Variants in MAST2 observed in about 807,000 individuals in gnomAD.
MAST2 encodes microtubule-associated serine/threonine-protein kinase 2.
MAST2 carries 70 observed loss-of-function variants against 147.4 expected under a neutral mutation model. That is an observed-to-expected ratio of 0.47 (90% CI 0.39 to 0.58). The LOEUF is 0.58. Among genes scored for constraint, MAST2 ranks in the 20% least tolerant of loss-of-function variants. The pLI is 0.00. For missense variants in MAST2, 2,080 were observed against 2,302.3 expected (o/e 0.90, Z 1.98); for synonymous variants, 869 against 896.8 (o/e 0.97, Z 0.55).
rs745825402 is a variant in MAST2, at chr1:45,899,489, C to G, written c.500+17094C>G. On this transcript the variant is annotated intron_variant, in intron 4 of 28. Transcript: ENST00000361297. The stretch of plus-strand genomic sequence containing the variant: ...TCTCCCCTTTTGGAGTCCCCAGTGT[C>G]TATTGTTTCCATCTTTATGACCACA... Among the ~76,000 whole-genome samples, 42 of 152,000 alleles carry G rather than the reference C, an allele frequency of 2.8e-4. 1 individual carries two copies. In the Middle Eastern group the frequency reaches 0.034, roughly 123 times the overall value.
intron 4 of MAST2, among the ~76,000 whole-genome samples, chr1:45,958,876 G>A (rs191988076): frequency 2.0e-5 from 3 of 152,280 alleles, no homozygotes; most frequent in East Asian, 1.9e-4. Flanking sequence ...GTAGTGGAAA[G>A]CCCGTTTATA....
At chr1:45,916,198 C>T (rs1176442714) in intron 4 of MAST2, among the ~76,000 whole-genome samples, 1 of 152,112 alleles carries the variant, frequency 6.6e-6, no homozygotes. Context: ...TAGAATGTCA[C>T]TGTATCCATA....
chr1:46,013,624 G>C (rs919686058), intron 10 of MAST2, among the ~76,000 whole-genome samples: 3 of 151,494 alleles, frequency 2.0e-5, no homozygotes, highest in Admixed American at 6.6e-5. Context: ...AGGTTGCGGT[G>C]AGCCAAGATC....
intron 8 of MAST2, among the ~76,000 whole-genome samples, chr1:46,007,592 C>T (rs1645539117): frequency 6.6e-6 from 1 of 152,142 alleles, no homozygotes; most frequent in African/African-American, 2.4e-5. Context: ...CAGTTGTGAA[C>T]CTAGAACATC....
At chr1:45,961,966 C>T (rs1355286540) in intron 5 of MAST2, among the ~76,000 whole-genome samples, 1 of 151,792 alleles carries the variant, frequency 6.6e-6, no homozygotes. Flanking sequence ...GTTCCCCTTC[C>T]TGTGTCCAGT....
rs146487000 is a variant in MAST2, at chr1:45,929,115, T to C, written c.501-30271T>C. ...TTTGTTAGTAGTGGCCATTGATAAT[T>C]ATCACCTAGATTCATTATTTTCTTA... On this transcript the variant is annotated intron_variant, in intron 4 of 28. Transcript: ENST00000361297. Among the ~76,000 whole-genome samples the C allele has an allele frequency of 2.5e-3, 374 of 152,264 alleles. 4 individuals are homozygous for C. The highest frequency in any genetic ancestry group is 0.021 in the Admixed American group (314 of 15,292).
rs375529663 is a variant in MAST2 at position 46,033,949 on chromosome 1, C to A, written c.3674+11C>A. On this transcript the variant is annotated intron_variant, in intron 27 of 28. Transcript: ENST00000361297. The stretch of plus-strand genomic sequence containing the variant: ...GGATGGGCAAGAAAGGTGAGCCAGG[C>A]GCAGTGAAGAGGGTTTTCTCTGAGC... 1 of 1,613,762 alleles carries A rather than the reference C, an allele frequency of 6.2e-7. No individual in the cohort carries two copies. The highest frequency in any genetic ancestry group is 8.5e-7 in the Non-Finnish European group (1 of 1,179,736).
At chr1:46,008,162 A>G in intron 8 of MAST2, 134 bp from the exon 9 acceptor site, 1 of 643,968 alleles carries the variant, frequency 1.6e-6, no homozygotes, top group Non-Finnish European at 2.8e-6. Context: ...AAGGCTCTAG[A>G]ACTCAGTACC....
At chr1:45,977,227 C>T (rs1057217342) in intron 5 of MAST2, among the ~76,000 whole-genome samples, 3 of 152,250 alleles carry the variant, frequency 2.0e-5, no homozygotes, top group Non-Finnish European at 4.4e-5. Flanking sequence ...GTGGCTCATG[C>T]CTGTATTCCC....
At chr1:45,913,935 G>A (rs1652068910) in intron 4 of MAST2, 13 of 1,121,998 alleles carry the variant, frequency 1.2e-5, no homozygotes, top group South Asian at 1.7e-5. Context: ...AAAAACTAAT[G>A]CCAACTAACA....
chr1:45,939,731 G>T (rs557537671), intron 4 of MAST2, among the ~76,000 whole-genome samples: 1 of 152,072 alleles, frequency 6.6e-6, no homozygotes, highest in Non-Finnish European at 1.5e-5. Flanking sequence ...TCCTAGAAAC[G>T]GAGTTTCACC....
intron 1 of MAST2, among the ~76,000 whole-genome samples, chr1:45,816,347 G>T (rs1435352075): frequency 6.6e-6 from 1 of 152,098 alleles, no homozygotes; most frequent in African/African-American, 2.4e-5. Context: ...TCAATGCCCA[G>T]ACACTGACAA....
intron 26 of MAST2, 55 bp downstream of exon 26, chr1:46,032,773 C>A: frequency 6.3e-7 from 1 of 1,581,248 alleles, no homozygotes; most frequent in South Asian, 1.2e-5. Flanking sequence ...GCCTGTGAGT[C>A]TGTGATGGCA....
intron 4 of MAST2, among the ~76,000 whole-genome samples, chr1:45,919,042 G>C (rs1169376255): frequency 2.0e-5 from 3 of 152,104 alleles, no homozygotes; most frequent in Admixed American, 1.3e-4. Flanking sequence ...AGGATGGCTT[G>C]AGCCTGGGAG....
At chr1:45,836,178 A>T (rs892970752) in intron 3 of MAST2, among the ~76,000 whole-genome samples, 5 of 152,166 alleles carry the variant, frequency 3.3e-5, no homozygotes, top group East Asian at 1.9e-4. Flanking sequence ...GAACTACCAC[A>T]CTTTTGGTTT....
At chr1:45,835,214 A>G (rs1645069222) in intron 3 of MAST2, among the ~76,000 whole-genome samples, 1 of 152,092 alleles carries the variant, frequency 6.6e-6, no homozygotes, top group Non-Finnish European at 1.5e-5. Context: ...TTAGTAGTAT[A>G]TATACTACAT....
At chr1:45,871,361 C>G (rs1646386928) in intron 3 of MAST2, among the ~76,000 whole-genome samples, 2 of 152,062 alleles carry the variant, frequency 1.3e-5, no homozygotes, top group South Asian at 4.1e-4. Flanking sequence ...ATTACCTCCC[C>G]CAAACTTATT....
chr1:45,945,064 C>T (rs764851510), intron 4 of MAST2, among the ~76,000 whole-genome samples: 1 of 152,142 alleles, frequency 6.6e-6, no homozygotes, highest in Non-Finnish European at 1.5e-5. Context: ...TTTAGGGAGA[C>T]TGAGGCAGGA....
intron 11 of MAST2, 106 bp downstream of exon 11, chr1:46,019,803 G>A: frequency 1.1e-6 from 1 of 926,008 alleles, no homozygotes. Flanking sequence ...CATTTCTGTT[G>A]CTTAGGTCCT....
Sources: allele counts gnomAD v4.1 joint callset (sites outside exome capture counted in the v4.1 genomes callset), GRCh38; gene constraint gnomAD v4.1.1; transcripts MANE v1.5; gene names NCBI Gene and HGNC (gene_info 2026-07-23, HGNC 2026-07-21).